The following EBF1 variants were observed in gnomAD, a reference collection of about 807,000 sequenced individuals.
The protein encoded by EBF1 is transcription factor COE1.
In EBF1, 10 loss-of-function variants were observed where a neutral mutation model predicts 68.4. The ratio of observed to expected loss-of-function variants is 0.15; its 90% CI spans 0.09 to 0.25. The LOEUF (loss-of-function observed/expected upper bound fraction) is 0.25. Ranked by LOEUF, EBF1 falls within the 10% of genes least tolerant of loss-of-function variation. The pLI is 1.00. For missense variants in EBF1, 509 were observed against 794.4 expected, an observed-to-expected ratio of 0.64 and a Z score of 4.32; for synonymous variants, 298 against 299.8, an observed-to-expected ratio of 0.99 and a Z score of 0.06.
intron 6 of EBF1, among the ~76,000 whole-genome samples, chr5:158,957,556 A>G (rs920743623): frequency 6.6e-6 from 1 of 152,242 alleles, no homozygotes; most frequent in Non-Finnish European, 1.5e-5. Flanking sequence ...TTGGTTAATC[A>G]AGGTTCAAGA....
At chr5:158,954,180 G>C (rs1583439212) in intron 6 of EBF1, among the ~76,000 whole-genome samples, 1 of 151,850 alleles carries the variant, frequency 6.6e-6, no homozygotes, top group East Asian at 1.9e-4. Context: ...TACATGTTGA[G>C]ATCTATGCCC....
At chr5:159,016,797 C>T (rs1467398100) in intron 6 of EBF1, among the ~76,000 whole-genome samples, 1 of 152,106 alleles carries the variant, frequency 6.6e-6, no homozygotes, top group East Asian at 1.9e-4. Flanking sequence ...GGCTGGAGGG[C>T]CCCCCAAAAG....
At chr5:158,804,245 G>A (rs1781159563) in intron 8 of EBF1, among the ~76,000 whole-genome samples, 1 of 151,902 alleles carries the variant, frequency 6.6e-6, no homozygotes, top group South Asian at 2.1e-4. Flanking sequence ...GGCAGTGTTA[G>A]CTTAGTGGTG....
chr5:158,768,043 C>T (rs1000964480), intron 10 of EBF1, among the ~76,000 whole-genome samples: 2 of 152,106 alleles, frequency 1.3e-5, no homozygotes, highest in Non-Finnish European at 2.9e-5. Context: ...AGCAGTGCCA[C>T]ACTATATAGC....
chr5:158,730,251 CT>C (rs1227256584), intron 11 of EBF1, among the ~76,000 whole-genome samples: 1 of 152,188 alleles, frequency 6.6e-6, no homozygotes, highest in East Asian at 1.9e-4. Flanking sequence ...TTTAACTGCC[CT>C]CTCCTCTGAG....
chr5:159,074,298 T>G (rs1584435809), intron 5 of EBF1, among the ~76,000 whole-genome samples: 1 of 152,160 alleles, frequency 6.6e-6, no homozygotes, highest in African/African-American at 2.4e-5. Context: ...TTCTAAAGGG[T>G]GAACATTTTA....
chr5:158,805,526 C>T (rs968278301), intron 8 of EBF1, among the ~76,000 whole-genome samples: 1 of 152,046 alleles, frequency 6.6e-6, no homozygotes, highest in Non-Finnish European at 1.5e-5. Flanking sequence ...TAGATGCGTG[C>T]AGATAATTTA....
chr5:158,838,469 AAAG>A (rs1480140406), intron 7 of EBF1, among the ~76,000 whole-genome samples: 2 of 151,664 alleles, frequency 1.3e-5, no homozygotes, highest in East Asian at 3.9e-4. Flanking sequence ...AAACGAAAGA[AAAG>A]AAAAAAAGAA....
At chr5:159,004,138 A>T (rs1014623878) in intron 6 of EBF1, among the ~76,000 whole-genome samples, 1 of 152,010 alleles carries the variant, frequency 6.6e-6, no homozygotes, top group Non-Finnish European at 1.5e-5. Context: ...TTAGCCAGGC[A>T]TGGTGGCAGG....
chr5:158,788,166 C>A (rs1180792621), intron 9 of EBF1, among the ~76,000 whole-genome samples: 1 of 152,042 alleles, frequency 6.6e-6, no homozygotes, highest in African/African-American at 2.4e-5. Flanking sequence ...AGAGGGAATG[C>A]CCTTAAATCA....
chr5:159,065,496 T>C (rs1776635420), intron 6 of EBF1, among the ~76,000 whole-genome samples: 1 of 152,320 alleles, frequency 6.6e-6, no homozygotes, highest in African/African-American at 2.4e-5. Flanking sequence ...AAAAAAGTTA[T>C]TTCAGCCTTG....
intron 4 of EBF1, among the ~76,000 whole-genome samples, chr5:159,086,945 A>T (rs912399014): frequency 6.6e-5 from 10 of 152,114 alleles, no homozygotes; most frequent in Non-Finnish European, 1.3e-4. Context: ...AAATGTTTTG[A>T]AAACCAAAAA....
rs191457796 is a variant in EBF1, at chr5:158,956,256, G to A, written c.555-116146C>T. 9.6e-4 allele frequency among the ~76,000 whole-genome samples: 146 copies of A among 152,240 alleles called. 1 individual carries two copies. Among genetic ancestry groups the A allele is most frequent in the Non-Finnish European group, 1.7e-3 (118 of 68,022 alleles). On this transcript the variant is annotated intron_variant, in intron 6 of 15. Transcript: ENST00000313708. ...TTTTCAGATCAAGTTCTATGCTGCA[G>A]TTTCCTTTCACTGAGATGCAGCCTA...
In EBF1 at chr5:159,003,061, T is replaced by C. The variant is rs557596097; in HGVS notation, c.554+70335A>G. On this transcript the variant is annotated intron_variant, in intron 6 of 15. Coordinates refer to ENST00000313708, the MANE Select transcript of EBF1 (RefSeq NM_024007.5). Reference sequence around the variant, plus strand: ...TTTATATATATAAGCTCAAGAAAGGTAAGATCTTGGTTCCATTTGCCCTTT... The same window carrying C: ...TTTATATATATAAGCTCAAGAAAGGCAAGATCTTGGTTCCATTTGCCCTTT... 4.6e-5 allele frequency among the ~76,000 whole-genome samples: 7 copies of C among 152,328 alleles called. No individual in the cohort carries two copies. The East Asian group carries it at 1.3e-3, about 29-fold the overall frequency.
chr5:158,905,216 A>T (rs1804315663), intron 6 of EBF1, among the ~76,000 whole-genome samples: 1 of 152,188 alleles, frequency 6.6e-6, no homozygotes, highest in South Asian at 2.1e-4. Flanking sequence ...TCACATAAAC[A>T]TTGCTGCCGT....
intron 15 of EBF1, 39 bp from the exon 16 acceptor site, chr5:158,699,181 T>C: frequency 6.3e-7 from 1 of 1,585,496 alleles, no homozygotes; most frequent in South Asian, 1.2e-5. Flanking sequence ...TTTCTTTGCG[T>C]TCAAACTTCT....
intron 8 of EBF1, among the ~76,000 whole-genome samples, chr5:158,802,031 C>A (rs1350272408): frequency 1.3e-5 from 2 of 152,066 alleles, no homozygotes; most frequent in African/African-American, 2.4e-5. Flanking sequence ...ATGTTTACCT[C>A]GGGTTTTATG....
At chr5:158,880,334 T>C (rs1378367270) in intron 6 of EBF1, among the ~76,000 whole-genome samples, 1 of 152,098 alleles carries the variant, frequency 6.6e-6, no homozygotes, top group Non-Finnish European at 1.5e-5. Flanking sequence ...TGGATAAAGA[T>C]ACCATGAGAG....
chr5:158,844,192 T>C (rs966608092), intron 6 of EBF1, among the ~76,000 whole-genome samples: 10 of 149,874 alleles, frequency 6.7e-5, no homozygotes, highest in African/African-American at 2.5e-4. Flanking sequence ...TCAAGCCTTT[T>C]TTTTTTTTTT....
Sources: allele counts gnomAD v4.1 joint callset (sites outside exome capture counted in the v4.1 genomes callset), GRCh38; gene constraint gnomAD v4.1.1; transcripts MANE v1.5; gene names NCBI Gene and HGNC (gene_info 2026-07-23, HGNC 2026-07-21).